AREL1: variants seen among roughly 807,000 people sequenced by gnomAD.
AREL1 encodes the protein apoptosis resistant E3 ubiquitin protein ligase 1, also known as apoptosis-resistant E3 ubiquitin protein ligase 1.
Under a neutral mutation model 99.0 loss-of-function variants are expected in AREL1, and 62 were observed. The ratio of observed to expected loss-of-function variants is 0.63; its 90% CI spans 0.51 to 0.77. The LOEUF is 0.77. Ranked by LOEUF, AREL1 falls within the 30% of genes least tolerant of loss-of-function variation. The pLI, the probability that AREL1 is intolerant of heterozygous loss-of-function variation, is 0.00. For missense variants in AREL1, 879 were observed against 1,027.6 expected (o/e 0.86, Z 1.98); for synonymous variants, 380 against 376.5 (o/e 1.01, Z -0.11).
chr14:74,688,199 G>C (rs2089791756), intron 2 of AREL1, among the ~76,000 whole-genome samples: 1 of 151,498 alleles, frequency 6.6e-6, no homozygotes, highest in Non-Finnish European at 1.5e-5. Context: ...CTAATTTTTT[G>C]TATTTTTGGT....
At position 74,671,321 on chromosome 14, in the gene AREL1, C is replaced by CTTTTTT. The variant is rs34340758; in HGVS notation, c.1498+81_1498+86dup. The CTTTTTT allele has an allele frequency of 3.7e-4, 46 of 125,870 alleles. 4 individuals are homozygous for CTTTTTT. Among genetic ancestry groups the CTTTTTT allele is most frequent in the African/African-American group, 1.5e-3 (26 of 17,252 alleles). 7.8% of individuals were successfully genotyped at this position (125,870 alleles called of 1,614,324 possible). A position where few individuals can be genotyped will look rare whatever the true frequency, so the allele number is the denominator to read the frequency against. On this transcript the variant is annotated intron_variant, in intron 12 of 19. Transcript: ENST00000356357. ...GGGAGTGAGTAGGAGGTAAGAGTTG[C>CTTTTTT]TTTTTTTTTTTTTTTTTTTTTTTTG...
At chr14:74,705,003 T>C (rs12323361) in intron 1 of AREL1, among the ~76,000 whole-genome samples, 48,217 of 151,898 alleles carry the variant, frequency 0.32, 9,068 homozygotes, top group African/African-American at 0.52. Context: ...AATTCAATGC[T>C]GCACATTACC....
Position 74,685,616 on chromosome 14 carries a change from C to T in AREL1, c.-1G>A. On this transcript the variant is annotated 5_prime_UTR_variant, in exon 3 of 20. Coordinates refer to ENST00000356357, the MANE Select transcript of AREL1 (RefSeq NM_001039479.2). ...ATAACGTACCAATAACGTAAAACATCAGGTCCCGTCAATGCCAACAGACAG... is the reference window on the plus strand; with the variant it reads ...ATAACGTACCAATAACGTAAAACATTAGGTCCCGTCAATGCCAACAGACAG... 6.2e-7 allele frequency: 1 copy of T among 1,614,158 alleles called. No individual in the cohort carries two copies. The highest frequency in any genetic ancestry group is 1.1e-5 in the South Asian group (1 of 91,080).
At chr14:74,693,611 T>C (rs1009401477) in intron 1 of AREL1, among the ~76,000 whole-genome samples, 1 of 152,290 alleles carries the variant, frequency 6.6e-6, no homozygotes. Flanking sequence ...GATACAATTA[T>C]CCCTATTTTA....
At chr14:74,673,693 GTGC>G (rs2089407974) in intron 9 of AREL1, among the ~76,000 whole-genome samples, 1 of 152,174 alleles carries the variant, frequency 6.6e-6, no homozygotes, top group African/African-American at 2.4e-5. Context: ...TATGAGAGTG[GTGC>G]TTCTAAAAGG....
In AREL1 at chr14:74,675,740, C is replaced by A. The variant is rs2089455005; in HGVS notation, c.1039G>T (p.Val347Leu). Reference sequence around the variant, plus strand: ...CAGTACACCTTCTTCGGTTTCTTCACCTTCTCAGGGGTGTGGCACTCAGAG... The same window carrying A: ...CAGTACACCTTCTTCGGTTTCTTCAACTTCTCAGGGGTGTGGCACTCAGAG... Reference protein sequence around the residue: ...SPSECHTPEKVKKPKKVYCYV... With the variant: ...SPSECHTPEKLKKPKKVYCYV... Residue 347 changes from valine (V) to leucine (L), a missense_variant, in exon 8 of 20, where the codon GTG (valine) becomes TTG (leucine). Coordinates refer to ENST00000356357, the MANE Select transcript of AREL1 (RefSeq NM_001039479.2). 1.2e-6 allele frequency: 2 copies of A among 1,614,020 alleles called. No homozygotes were observed. The highest frequency in any genetic ancestry group is 2.7e-5 in the African/African-American group (2 of 74,914).
At chr14:74,710,579 C>T (rs1031793977) in intron 1 of AREL1, among the ~76,000 whole-genome samples, 3 of 152,150 alleles carry the variant, frequency 2.0e-5, no homozygotes, top group African/African-American at 7.2e-5. Flanking sequence ...ATTGTCTAAT[C>T]ACCAAGAGAT....
At chr14:74,670,172 G>A in intron 13 of AREL1, 46 bp from the exon 14 acceptor site, 21 of 1,532,308 alleles carry the variant, frequency 1.4e-5, no homozygotes, top group Admixed American at 2.0e-5. Context: ...TTTTCTTCAA[G>A]CCCAGTTCTG....
intron 5 of AREL1, chr14:74,678,135 C>A (rs886065349): frequency 4.5e-6 from 2 of 447,746 alleles, no homozygotes; most frequent in African/African-American, 4.0e-5. Context: ...AACTAGAATA[C>A]TAAAACAATT....
chr14:74,673,684 A>G (rs1372118272), intron 9 of AREL1, among the ~76,000 whole-genome samples: 1 of 152,224 alleles, frequency 6.6e-6, no homozygotes, highest in East Asian at 1.9e-4. Context: ...ATTTTAATAT[A>G]TGAGAGTGGT....
At chr14:74,680,921 G>A (rs2089612974) in intron 5 of AREL1, among the ~76,000 whole-genome samples, 1 of 152,190 alleles carries the variant, frequency 6.6e-6, no homozygotes, top group African/African-American at 2.4e-5. Flanking sequence ...AGTGGCTCAT[G>A]CCTGTAATCC....
At chr14:74,688,019 C>CATTTTTTTTTTTT (rs1566693658) in intron 2 of AREL1, among the ~76,000 whole-genome samples, 1 of 108,704 alleles carries the variant, frequency 9.2e-6, no homozygotes. Context: ...TGAGTACTTA[C>CATTTTTTTTTTTT]TTTTTTTTTT....
At chr14:74,687,523 T>C (rs1221754224) in intron 2 of AREL1, among the ~76,000 whole-genome samples, 2 of 152,148 alleles carry the variant, frequency 1.3e-5, no homozygotes, top group East Asian at 3.8e-4. Flanking sequence ...CCAAACAGCA[T>C]AACAAATAGC....
chr14:74,687,451 G>C (rs1358123459), intron 2 of AREL1, among the ~76,000 whole-genome samples: 1 of 152,062 alleles, frequency 6.6e-6, no homozygotes, highest in African/African-American at 2.4e-5. Context: ...AATTTCTATG[G>C]TATCATCTCC....
chr14:74,685,817 A>G (rs2139925890), intron 2 of AREL1, among the ~76,000 whole-genome samples, 157 bp from the exon 3 acceptor site: 1 of 152,348 alleles, frequency 6.6e-6, no homozygotes, highest in East Asian at 1.9e-4. Flanking sequence ...GGTGCCGTAT[A>G]ATATATTTCA....
intron 1 of AREL1, among the ~76,000 whole-genome samples, chr14:74,712,508 T>C (rs1459516476): frequency 6.6e-6 from 1 of 152,210 alleles, no homozygotes; most frequent in Non-Finnish European, 1.5e-5. Flanking sequence ...TCTCCCTTTT[T>C]ACTTAAAGAT....
chr14:74,669,375 TTTTGC>T (rs566917437), intron 15 of AREL1, among the ~76,000 whole-genome samples: 2 of 152,304 alleles, frequency 1.3e-5, no homozygotes, highest in South Asian at 4.2e-4. Flanking sequence ...GATATGTGTC[TTTTGC>T]TTCACTCAAA....
chr14:74,678,957 C>A (rs1001120879), intron 5 of AREL1, among the ~76,000 whole-genome samples: 8 of 152,112 alleles, frequency 5.3e-5, no homozygotes, highest in Admixed American at 5.2e-4. Flanking sequence ...GTGGCAAGAT[C>A]ACAGCTCACT....
chr14:74,697,099 C>G (rs2089991158), intron 1 of AREL1, among the ~76,000 whole-genome samples: 2 of 152,126 alleles, frequency 1.3e-5, no homozygotes. Flanking sequence ...GAGCTGTGAT[C>G]ACACCACACC....
Sources: gnomAD v4.1 joint callset for allele counts (sites outside exome capture counted in the v4.1 genomes callset) on GRCh38, gnomAD v4.1.1 for gene constraint, MANE v1.5 for transcripts, NCBI Gene and HGNC (gene_info 2026-07-23, HGNC 2026-07-21) for gene names.